The following FOCAD variants were observed in gnomAD, a reference collection of about 807,000 sequenced individuals.
The protein encoded by FOCAD is focadhesin, also known as KIAA1797.
Under a neutral mutation model 225.6 loss-of-function variants are expected in FOCAD, and 198 were observed. That is an observed-to-expected ratio of 0.88 (90% CI 0.78 to 0.99). The LOEUF is 0.99. Among genes scored for constraint, FOCAD ranks in the 50% least tolerant of loss-of-function variants. FOCAD has a pLI of 0.00. For missense variants in FOCAD, 2,713 were observed against 2,123.6 expected, an observed-to-expected ratio of 1.28 and a Z score of -5.46; for synonymous variants, 897 against 755.0, an observed-to-expected ratio of 1.19 and a Z score of -3.08.
At chr9:20,881,768 C>A (rs1251414607) in intron 19 of FOCAD, 103 bp from the exon 20 acceptor site, 2 of 1,173,258 alleles carry the variant, frequency 1.7e-6, no homozygotes, top group Non-Finnish European at 2.4e-6. Context: ...TAAGGTTTGG[C>A]CAGAAATGTA....
Position 20,971,295 on chromosome 9 carries a change from A to T in FOCAD, c.4133-5125A>T, listed in dbSNP as rs192006337. ...CTCTGTAACCACAAAATCAAAAATT[A>T]AAATAACTCTGCTGCCACTTCCACT... is the stretch of plus-strand genomic sequence containing the variant. On this transcript the variant is annotated intron_variant, in intron 35 of 43. Transcript: ENST00000338382. 3.9e-3 allele frequency among the ~76,000 whole-genome samples: 593 copies of T among 152,290 alleles called. 9 individuals carry two copies. Among genetic ancestry groups the T allele is most frequent in the African/African-American group, 0.014 (575 of 41,538 alleles).
chr9:20,939,267 G>GT (rs1836377917), intron 28 of FOCAD, among the ~76,000 whole-genome samples: 1 of 151,850 alleles, frequency 6.6e-6, no homozygotes, highest in Admixed American at 6.6e-5. Flanking sequence ...AAATTTAGCT[G>GT]TTATTTGAAT....
At chr9:20,693,325 G>T (rs551451303) in intron 1 of FOCAD, among the ~76,000 whole-genome samples, 1 of 152,140 alleles carries the variant, frequency 6.6e-6, no homozygotes, top group African/African-American at 2.4e-5. Flanking sequence ...CAGGCTACTC[G>T]AGTACTTCCT....
intron 8 of FOCAD, among the ~76,000 whole-genome samples, chr9:20,771,570 C>A (rs1818233688): frequency 6.6e-6 from 1 of 152,054 alleles, no homozygotes; most frequent in Non-Finnish European, 1.5e-5. Flanking sequence ...AGCAGCCTGA[C>A]CAACATGGTG....
intron 1 of FOCAD, among the ~76,000 whole-genome samples, chr9:20,700,150 T>TA (rs1823821952): frequency 6.6e-6 from 1 of 151,890 alleles, no homozygotes; most frequent in Non-Finnish European, 1.5e-5. Flanking sequence ...CTTTTTTTTT[T>TA]AAAGAAATTA....
chr9:20,665,848 T>C (rs1170812903), intron 2 of FOCAD, among the ~76,000 whole-genome samples: 1 of 151,934 alleles, frequency 6.6e-6, no homozygotes, highest in Non-Finnish European at 1.5e-5. Context: ...CTGGCCAACA[T>C]GGTGAAACCC....
At chr9:20,757,050 C>G (rs1050977015) in intron 5 of FOCAD, among the ~76,000 whole-genome samples, 1 of 152,282 alleles carries the variant, frequency 6.6e-6, no homozygotes, top group East Asian at 1.9e-4. Context: ...CTTCCTCAGC[C>G]TCCTGAGTAG....
At chr9:20,874,650 C>T (rs749197461) in intron 18 of FOCAD, 31 bp from the exon 19 acceptor site, 7 of 1,596,224 alleles carry the variant, frequency 4.4e-6, no homozygotes, top group Non-Finnish European at 6.0e-6. Flanking sequence ...TATTATTATC[C>T]TCTCTATGAT....
At chr9:20,749,017 A>G (rs1828307942) in intron 5 of FOCAD, among the ~76,000 whole-genome samples, 1 of 152,054 alleles carries the variant, frequency 6.6e-6, no homozygotes, top group African/African-American at 2.4e-5. Flanking sequence ...GTTTGTCTCT[A>G]GGTGTTTTTT....
chr9:20,938,456 C>T (rs1202438683), intron 28 of FOCAD, among the ~76,000 whole-genome samples: 1 of 152,102 alleles, frequency 6.6e-6, no homozygotes, highest in Non-Finnish European at 1.5e-5. Context: ...TGGAAACCAT[C>T]ATTCTCAGCA....
chr9:20,851,526 T>G (rs933415314), intron 15 of FOCAD, among the ~76,000 whole-genome samples: 1 of 151,842 alleles, frequency 6.6e-6, no homozygotes, highest in African/African-American at 2.4e-5. Context: ...ATTTCTAATT[T>G]CCTACCCGTT....
intron 4 of FOCAD, among the ~76,000 whole-genome samples, chr9:20,728,186 C>G (rs1296161838): frequency 6.6e-6 from 1 of 152,112 alleles, no homozygotes; most frequent in Admixed American, 6.5e-5. Context: ...TTGACCCATA[C>G]TCCCTCTCAT....
intron 11 of FOCAD, among the ~76,000 whole-genome samples, chr9:20,795,292 A>G (rs1820933530): frequency 6.6e-6 from 1 of 152,188 alleles, no homozygotes; most frequent in Non-Finnish European, 1.5e-5. Flanking sequence ...AAAATGACGA[A>G]TATTGCATAA....
At chr9:20,966,934 G>A (rs1839314832) in intron 35 of FOCAD, among the ~76,000 whole-genome samples, 1 of 151,954 alleles carries the variant, frequency 6.6e-6, no homozygotes, top group African/African-American at 2.4e-5. Context: ...TACTATAGCT[G>A]TATAGTAAGA....
chr9:20,948,527 C>A, intron 31 of FOCAD, 134 bp downstream of exon 31: 1 of 972,662 alleles, frequency 1.0e-6, no homozygotes, highest in Non-Finnish European at 1.5e-6. Flanking sequence ...TGAAAGAGAT[C>A]ACATACTTTT....
intron 18 of FOCAD, among the ~76,000 whole-genome samples, chr9:20,869,925 A>T (rs976215184): frequency 6.6e-6 from 1 of 152,164 alleles, no homozygotes; most frequent in Non-Finnish European, 1.5e-5. Context: ...TGAAAGATAG[A>T]TAAGAATGAT....
chr9:20,710,188 A>T (rs942327401), intron 1 of FOCAD, among the ~76,000 whole-genome samples: 1 of 150,680 alleles, frequency 6.6e-6, no homozygotes, highest in Non-Finnish European at 1.5e-5. Flanking sequence ...GAGTTAGATT[A>T]GATCATCAGA....
intron 15 of FOCAD, among the ~76,000 whole-genome samples, chr9:20,853,384 T>C (rs577858009): frequency 4.3e-4 from 65 of 151,924 alleles, no homozygotes; most frequent in Non-Finnish European, 3.0e-4. Context: ...CTGTTTTTAC[T>C]TGTGTCACAC....
At chr9:20,863,949 T>A (rs1308380591) in intron 16 of FOCAD, among the ~76,000 whole-genome samples, 1 of 152,098 alleles carries the variant, frequency 6.6e-6, no homozygotes, top group East Asian at 1.9e-4. Context: ...GACCAGATTT[T>A]TTTTTCTTCC....
Sources: gnomAD v4.1 joint callset for allele counts (sites outside exome capture counted in the v4.1 genomes callset) on GRCh38, gnomAD v4.1.1 for gene constraint, MANE v1.5 for transcripts, NCBI Gene and HGNC (gene_info 2026-07-23, HGNC 2026-07-21) for gene names.